Variants in RPS6KA2 observed in about 807,000 individuals in gnomAD.
The protein encoded by RPS6KA2 is ribosomal protein S6 kinase A2.
In RPS6KA2, 42 loss-of-function variants were observed where a neutral mutation model predicts 91.8. The observed-to-expected ratio is 0.46, with a 90% CI of 0.36 to 0.59. RPS6KA2 has a LOEUF of 0.59. Among genes scored for constraint, RPS6KA2 ranks in the 20% least tolerant of loss-of-function variants. The probability of loss-of-function intolerance (pLI) is 0.00; values close to 1 mark genes in which losing one functional copy is unlikely to be tolerated. For synonymous variants in RPS6KA2, 414 were observed against 393.6 expected, an observed-to-expected ratio of 1.05 and a Z score of -0.61; for missense variants, 798 against 978.5, an observed-to-expected ratio of 0.82 and a Z score of 2.46.
chr6:166,625,275 T>C (rs1786815209), intron 1 of RPS6KA2, among the ~76,000 whole-genome samples: 1 of 151,836 alleles, frequency 6.6e-6, no homozygotes, highest in East Asian at 1.9e-4. Flanking sequence ...GTATGACTTC[T>C]AGAAATTTTA....
At chr6:166,817,390 C>T (rs952379654) in intron 2 of RPS6KA2, among the ~76,000 whole-genome samples, 4 of 101,102 alleles carry the variant, frequency 4.0e-5, no homozygotes, top group African/African-American at 1.1e-4. Context: ...AAGAAACACA[C>T]ACACGCATGT....
At chr6:166,710,643 G>A (rs1789819568) in intron 2 of RPS6KA2, among the ~76,000 whole-genome samples, 1 of 152,052 alleles carries the variant, frequency 6.6e-6, no homozygotes, top group Non-Finnish European at 1.5e-5. Flanking sequence ...TTCTCTTCCA[G>A]GAAGATGGAC....
At chr6:166,431,397 C>T (rs79440888) in intron 15 of RPS6KA2, among the ~76,000 whole-genome samples, 2,261 of 152,282 alleles carry the variant, frequency 0.015, 51 homozygotes, top group African/African-American at 0.051. Flanking sequence ...CCTGGCCCTC[C>T]GCATTTCTAA....
chr6:166,751,811 A>G (rs551406038), intron 2 of RPS6KA2, among the ~76,000 whole-genome samples: 1 of 152,372 alleles, frequency 6.6e-6, no homozygotes, highest in Non-Finnish European at 1.5e-5. Flanking sequence ...CTACAGAATG[A>G]GCAGAACATG....
intron 2 of RPS6KA2, among the ~76,000 whole-genome samples, chr6:166,668,883 CCTTT>C (rs145850618): frequency 0.19 from 22,700 of 121,958 alleles, 2,013 homozygotes; most frequent in South Asian, 0.25. Context: ...TTCCTTCCTT[CCTTT>C]CTTTCTTTTC....
At chr6:166,714,376 G>C (rs757350896) in intron 2 of RPS6KA2, among the ~76,000 whole-genome samples, 4 of 152,304 alleles carry the variant, frequency 2.6e-5, no homozygotes, top group African/African-American at 4.8e-5. Flanking sequence ...GGCAGTAGGA[G>C]GTGAAAGAAA....
intron 2 of RPS6KA2, among the ~76,000 whole-genome samples, chr6:166,768,736 T>A (rs1049382499): frequency 6.6e-6 from 1 of 152,208 alleles, no homozygotes; most frequent in Admixed American, 6.5e-5. Flanking sequence ...TCTGGGCTGC[T>A]CCCGGGTGAC....
chr6:166,828,642 T>C (rs1321624028), intron 2 of RPS6KA2, among the ~76,000 whole-genome samples: 1 of 152,210 alleles, frequency 6.6e-6, no homozygotes, highest in Admixed American at 6.5e-5. Flanking sequence ...AAGAATACAG[T>C]TGGACATACT....
At chr6:166,602,233 G>A (rs1441088823) in intron 1 of RPS6KA2, among the ~76,000 whole-genome samples, 1 of 152,254 alleles carries the variant, frequency 6.6e-6, no homozygotes, top group Non-Finnish European at 1.5e-5. Flanking sequence ...GGGAGAGAAT[G>A]AGAACTCACA....
chr6:166,722,136 T>G (rs894089411), intron 2 of RPS6KA2, among the ~76,000 whole-genome samples: 2 of 152,128 alleles, frequency 1.3e-5, no homozygotes, highest in South Asian at 4.2e-4. Context: ...GTAAAAGCAG[T>G]TTGCATTTTA....
chr6:166,469,674 C>G (rs1054166596), intron 11 of RPS6KA2, among the ~76,000 whole-genome samples, 167 bp downstream of exon 11: 1 of 152,180 alleles, frequency 6.6e-6, no homozygotes, highest in Non-Finnish European at 1.5e-5. Flanking sequence ...GTTGCCAGCC[C>G]GCTCAGCAGG....
In RPS6KA2 at chr6:166,847,073, T is replaced by C. The variant is rs147503414; in HGVS notation, c.123+11127A>G. Among the ~76,000 whole-genome samples, 52 of 152,200 alleles carry C rather than the reference T, an allele frequency of 3.4e-4. No individual in the cohort carries two copies. The East Asian group carries it at 0.01, about 29-fold the overall frequency. On this transcript the variant is annotated intron_variant, in intron 2 of 21. Coordinates refer to the RPS6KA2 transcript ENST00000503859. ...AATTGAATTTAGCAAAGTTTCCAGA[T>C]ACAAAATTAATGTACACAAATCAAT...
chr6:166,799,967 G>A (rs1277705619), intron 2 of RPS6KA2, among the ~76,000 whole-genome samples: 3 of 152,150 alleles, frequency 2.0e-5, no homozygotes, highest in South Asian at 4.1e-4. Flanking sequence ...CAGGAGATGC[G>A]CTAAGCACAG....
chr6:166,416,490 C>T (rs1778531746), intron 19 of RPS6KA2, among the ~76,000 whole-genome samples: 1 of 151,900 alleles, frequency 6.6e-6, no homozygotes, highest in African/African-American at 2.4e-5. Context: ...ACCGTCACCT[C>T]CATGATCACT....
rs1428986749 is a variant in RPS6KA2, at chr6:166,410,548, A to G, written c.*2214T>C. The G allele has an allele frequency of 2.0e-5, 3 of 152,404 alleles. No individual in the cohort carries two copies. The highest frequency in any genetic ancestry group is 4.4e-5 in the Non-Finnish European group (3 of 68,012). 9.4% of individuals were successfully genotyped at this position (152,404 alleles called of 1,614,324 possible). A position where few individuals can be genotyped will look rare whatever the true frequency, so the allele number is the denominator to read the frequency against. ...GTTCTCCTCCGCTGATGCACATCAA[A>G]TACATGTAAGGACAGAGCTCGCTGT... On this transcript the variant is annotated 3_prime_UTR_variant, in exon 21 of 21. Coordinates refer to ENST00000265678, the MANE Select transcript of RPS6KA2 (RefSeq NM_021135.6).
intron 2 of RPS6KA2, among the ~76,000 whole-genome samples, chr6:166,838,772 G>A (rs1293947422): frequency 7.3e-6 from 1 of 137,712 alleles, no homozygotes; most frequent in South Asian, 2.1e-4. Flanking sequence ...AGATGTCCAC[G>A]TGATAAGCCC....
At chr6:166,617,222 T>G (rs1786447186) in intron 1 of RPS6KA2, among the ~76,000 whole-genome samples, 3 of 152,362 alleles carry the variant, frequency 2.0e-5, no homozygotes, top group African/African-American at 7.2e-5. Flanking sequence ...AAGCAACAGC[T>G]TTTAAAACAA....
chr6:166,833,758 A>G (rs1780245961), intron 2 of RPS6KA2, among the ~76,000 whole-genome samples: 1 of 152,206 alleles, frequency 6.6e-6, no homozygotes, highest in Non-Finnish European at 1.5e-5. Flanking sequence ...CTGTTTATCT[A>G]TTCACGAGTT....
intron 2 of RPS6KA2, among the ~76,000 whole-genome samples, chr6:166,839,198 T>A (rs1933960586): frequency 6.6e-6 from 1 of 152,210 alleles, no homozygotes; most frequent in African/African-American, 2.4e-5. Flanking sequence ...CGCGCGTAAG[T>A]CATGGTGTTC....
Sources: allele counts gnomAD v4.1 joint callset (sites outside exome capture counted in the v4.1 genomes callset), GRCh38; gene constraint gnomAD v4.1.1; transcripts MANE v1.5; gene names NCBI Gene and HGNC (gene_info 2026-07-23, HGNC 2026-07-21).